Variants in MORC1 observed in about 807,000 individuals in gnomAD.
MORC1 encodes the protein MORC family CW-type zinc finger protein 1.
Under a neutral mutation model 134.9 loss-of-function variants are expected in MORC1, and 59 were observed. The observed-to-expected ratio is 0.44, with a 90% CI of 0.35 to 0.54. The LOEUF is 0.54. Among genes scored for constraint, MORC1 ranks in the 20% least tolerant of loss-of-function variants. The pLI is 0.00. For missense variants in MORC1, 947 were observed against 1,134.5 expected (o/e 0.83, Z 2.37); for synonymous variants, 395 against 391.7 (o/e 1.01, Z -0.10).
intron 14 of MORC1, among the ~76,000 whole-genome samples, chr3:109,039,416 G>C (rs1368112411): frequency 6.6e-6 from 1 of 152,178 alleles, no homozygotes; most frequent in Non-Finnish European, 1.5e-5. Context: ...AAGAATAAAT[G>C]TGAAGGCACA....
chr3:109,073,095 T>G (rs1482394257), intron 8 of MORC1, among the ~76,000 whole-genome samples: 3 of 152,216 alleles, frequency 2.0e-5, no homozygotes, highest in Non-Finnish European at 4.4e-5. Context: ...TTTTGTCCCC[T>G]GCTCAGCACT....
chr3:109,083,464 A>G (rs1950560178), intron 8 of MORC1, among the ~76,000 whole-genome samples: 2 of 152,160 alleles, frequency 1.3e-5, no homozygotes, highest in Non-Finnish European at 2.9e-5. Flanking sequence ...TATCTACAGC[A>G]ACCTGTTAAG....
Position 109,088,991 on chromosome 3 carries a change from C to CT in MORC1, c.689+4444dup, listed in dbSNP as rs141762696. Among the ~76,000 whole-genome samples the CT allele has an allele frequency of 3.0e-3, 458 of 152,178 alleles. 1 individual carries two copies. The highest frequency in any genetic ancestry group is 4.5e-3 in the Non-Finnish European group (308 of 68,002). ...GAAAACTAAATACTGCAGGTTCTCA[C>CT]TTACAAGTGCAAGCTAAATAATGAG... On this transcript the variant is annotated intron_variant, in intron 8 of 27. Transcript: ENST00000232603.
chr3:109,025,463 C>G lies in MORC1; in HGVS notation c.1704+2288G>C, dbSNP rs965696084. Among the ~76,000 whole-genome samples, 3 of 138,204 alleles carry G rather than the reference C, an allele frequency of 2.2e-5. No individual in the cohort carries two copies. In the East Asian group the frequency reaches 7.3e-4, roughly 33 times the overall value. 90.7% of individuals were successfully genotyped at this position (138,204 alleles called of 152,430 possible). ...ATGCAGTGGCGTGGGCTCACTGCAA[C>G]TTCTGCCTCCCAGGTTCAAAGGATT... On this transcript the variant is annotated intron_variant, in intron 17 of 27. Transcript: ENST00000232603.
In MORC1 at chr3:109,009,054, C is replaced by T. The variant is rs529464501; in HGVS notation, c.1705-1963G>A. Among the ~76,000 whole-genome samples the T allele has an allele frequency of 1.1e-4, 16 of 152,168 alleles. 1 individual carries two copies. The highest frequency in any genetic ancestry group is 3.6e-4 in the African/African-American group (15 of 41,522). On this transcript the variant is annotated intron_variant, in intron 17 of 27. Coordinates refer to ENST00000232603, the MANE Select transcript of MORC1 (RefSeq NM_014429.4). Reference sequence around the variant, plus strand: ...TGTCACATTTGTTTTAGGCTTTTTGCTTTAATTAAATACAGTCAATGCTTA... The same window carrying T: ...TGTCACATTTGTTTTAGGCTTTTTGTTTTAATTAAATACAGTCAATGCTTA...
At chr3:109,103,117 T>G (rs889091628) in intron 4 of MORC1, among the ~76,000 whole-genome samples, 1 of 152,206 alleles carries the variant, frequency 6.6e-6, no homozygotes, top group Non-Finnish European at 1.5e-5. Flanking sequence ...ACCATGGCAG[T>G]TCCATATTAC....
At chr3:108,976,250 G>A (rs893076294) in intron 24 of MORC1, among the ~76,000 whole-genome samples, 26 of 152,110 alleles carry the variant, frequency 1.7e-4, no homozygotes, top group African/African-American at 5.3e-4. Flanking sequence ...ATGACGTCAC[G>A]TCCAAAGTGA....
rs369444537 is a variant in MORC1 at position 109,110,829 on chromosome 3, G to T, written c.120-46C>A. The T allele has an allele frequency of 9.9e-6, 14 of 1,418,144 alleles. No individual in the cohort carries two copies. In the African/African-American group the frequency reaches 1.9e-4, roughly 19 times the overall value. 87.8% of individuals were successfully genotyped at this position (1,418,144 alleles called of 1,614,324 possible). ...TTATTTCTTCAATATGAAATGAATT[G>T]CTTACATAAGGTATAACCTATTGTC... On this transcript the variant is annotated intron_variant, in intron 2 of 27. Transcript: ENST00000232603.
chr3:108,971,269 T>C, intron 25 of MORC1, 61 bp downstream of exon 25: 1 of 1,472,002 alleles, frequency 6.8e-7, no homozygotes, highest in Non-Finnish European at 9.5e-7. Context: ...TTTACATTTT[T>C]CTTCACTGAG....
At chr3:108,971,242 C>A in intron 25 of MORC1, 88 bp downstream of exon 25, 1 of 1,153,754 alleles carries the variant, frequency 8.7e-7, no homozygotes, top group South Asian at 1.3e-5. Flanking sequence ...CACTCTAGGT[C>A]CTCTTATTGG....
intron 17 of MORC1, among the ~76,000 whole-genome samples, chr3:109,025,379 C>CTTTTTTTTTTTTTTTTTT (rs63701060): frequency 9.5e-6 from 1 of 105,100 alleles, no homozygotes; most frequent in Non-Finnish European, 1.9e-5. Context: ...TTTCTTTTTT[C>CTTTTTTTTTTTTTTTTTT]TTTTTTTTTT....
intron 8 of MORC1, among the ~76,000 whole-genome samples, chr3:109,079,494 G>T (rs1950486815): frequency 6.6e-6 from 1 of 151,878 alleles, no homozygotes; most frequent in African/African-American, 2.4e-5. Context: ...TCTATAAACT[G>T]AAAATACATT....
chr3:109,100,994 T>C lies in MORC1; in HGVS notation c.224-487A>G, dbSNP rs142571247. On this transcript the variant is annotated intron_variant, in intron 4 of 27. Transcript: ENST00000232603. ...GGTCCTGGAATCCATTCCCTACAGA[T>C]ACTAAGAAACAACTGTATACTGAAA... Among the ~76,000 whole-genome samples, 67 of 152,300 alleles carry C rather than the reference T, an allele frequency of 4.4e-4. No homozygotes were observed. In the East Asian group the frequency reaches 0.011, roughly 25 times the overall value.
intron 8 of MORC1, among the ~76,000 whole-genome samples, chr3:109,080,604 C>A (rs757214170): frequency 1.2e-4 from 18 of 152,134 alleles, no homozygotes; most frequent in Non-Finnish European, 2.4e-4. Flanking sequence ...GAATAAGAAC[C>A]AACGTATAAG....
intron 8 of MORC1, among the ~76,000 whole-genome samples, chr3:109,079,459 A>C (rs554002416): frequency 1.2e-4 from 18 of 152,252 alleles, no homozygotes; most frequent in Non-Finnish European, 2.5e-4. Flanking sequence ...TCCTCACACA[A>C]AAAAATAAAT....
intron 14 of MORC1, among the ~76,000 whole-genome samples, chr3:109,041,956 A>G (rs955878944): frequency 6.6e-6 from 1 of 152,126 alleles, no homozygotes; most frequent in Non-Finnish European, 1.5e-5. Flanking sequence ...AAAAAAAAAA[A>G]TTGAATAAAA....
At chr3:109,091,124 T>TGTACCATTTTTTAA (rs1950714242) in intron 8 of MORC1, among the ~76,000 whole-genome samples, 1 of 152,078 alleles carries the variant, frequency 6.6e-6, no homozygotes, top group Non-Finnish European at 1.5e-5. Context: ...TGGTAAACTA[T>TGTACCATTTTTTAA]GTACCATTTT....
Position 109,103,893 on chromosome 3 carries a change from C to T in MORC1, c.179G>A (p.Gly60Glu), listed in dbSNP as rs142771630. 10 of 1,613,658 alleles carry T rather than the reference C, an allele frequency of 6.2e-6. No individual in the cohort carries two copies. The highest frequency in any genetic ancestry group is 8.5e-6 in the Non-Finnish European group (10 of 1,179,742). The change falls in exon 4 of 28, where the codon GGA becomes GAA. Residue 60 changes from glycine (G) to glutamate (E), a missense_variant. By Grantham distance (98) the Gly-to-Glu change is moderately conservative. Coordinates refer to ENST00000232603, the MANE Select transcript of MORC1 (RefSeq NM_014429.4). Reference sequence around the variant, plus strand: ...ATCATCCAGGAAACACAACATGAATCCCCCCTGCAGTTTTTCATTATCCAC... The same window carrying T: ...ATCATCCAGGAAACACAACATGAATTCCCCCTGCAGTTTTTCATTATCCAC... The part of the protein sequence containing the change: ...FSVDNEKLQG[G>E]FMLCFLDDGC...
intron 16 of MORC1, among the ~76,000 whole-genome samples, 199 bp from the exon 17 acceptor site, chr3:109,028,088 T>A (rs1030138616): frequency 6.6e-6 from 1 of 152,126 alleles, no homozygotes; most frequent in African/African-American, 2.4e-5. Flanking sequence ...AACAGCCTAA[T>A]AAAAAATGTG....
Sources: gnomAD v4.1 joint callset for allele counts (sites outside exome capture counted in the v4.1 genomes callset) on GRCh38, gnomAD v4.1.1 for gene constraint, MANE v1.5 for transcripts, NCBI Gene and HGNC (gene_info 2026-07-23, HGNC 2026-07-21) for gene names.